Variants in CFAP47 observed in about 807,000 individuals in gnomAD.
CFAP47 encodes cilia and flagella associated protein 47.
A neutral mutation model predicts 148.1 loss-of-function variants in CFAP47; 29 were observed. The observed-to-expected ratio is 0.20, with a 90% CI of 0.15 to 0.27. CFAP47 has a LOEUF of 0.27. CFAP47 is among the 10% of genes least tolerant of loss of function. The probability of loss-of-function intolerance (pLI) is 1.00; values close to 1 mark genes in which losing one functional copy is unlikely to be tolerated. For missense variants in CFAP47, 1,872 were observed against 1,697.5 expected (o/e 1.10, Z -1.81); for synonymous variants, 664 against 577.3 (o/e 1.15, Z -2.15).
intron 37 of CFAP47, among the ~76,000 whole-genome samples, chrX:36,152,368 C>T (rs12390870): frequency 0.058 from 6,492 of 111,447 alleles, 515 homozygotes; most frequent in African/African-American, 0.2. Flanking sequence ...CCAGAACTTA[C>T]TCAAGTTATA....
At chrX:36,140,452 T>A (rs1939119811) in intron 35 of CFAP47, among the ~76,000 whole-genome samples, 1 of 111,611 alleles carries the variant, frequency 9.0e-6, no homozygotes, top group African/African-American at 3.3e-5. Context: ...CAAAAATAAT[T>A]TAAAAATAAG....
At chrX:36,045,347 CAA>C (rs1937452734) in intron 25 of CFAP47, among the ~76,000 whole-genome samples, 1 of 111,455 alleles carries the variant, frequency 9.0e-6, no homozygotes, top group Non-Finnish European at 1.9e-5. Context: ...AGGTGCAAGA[CAA>C]AGTCTCCTTT....
chrX:36,374,848 T>C, intron 62 of CFAP47: 1 of 1,100,823 alleles, frequency 9.1e-7, no homozygotes, highest in Admixed American at 2.2e-5. Flanking sequence ...TGCTTCTTCA[T>C]GGTCCATGAT....
intron 22 of CFAP47, among the ~76,000 whole-genome samples, chrX:36,019,870 C>T (rs1937138271): frequency 8.9e-6 from 1 of 111,869 alleles, no homozygotes; most frequent in Non-Finnish European, 1.9e-5. Flanking sequence ...TTTTGTTTAA[C>T]TCTTCAAAAC....
chrX:36,026,229 A>C (rs914347187), intron 22 of CFAP47, among the ~76,000 whole-genome samples: 3 of 112,091 alleles, frequency 2.7e-5, no homozygotes, highest in Non-Finnish European at 5.6e-5. Flanking sequence ...TCTGTCAGAC[A>C]CATCTTCCAA....
chrX:35,979,106 G>A (rs180943644), intron 15 of CFAP47, among the ~76,000 whole-genome samples: 163 of 111,316 alleles, frequency 1.5e-3, no homozygotes, highest in Non-Finnish European at 4.1e-4. Flanking sequence ...ATCCTCCCGA[G>A]TAGCTGGGAT....
chrX:36,044,839 C>T (rs1937446375), intron 25 of CFAP47, among the ~76,000 whole-genome samples: 1 of 112,315 alleles, frequency 8.9e-6, no homozygotes, highest in Non-Finnish European at 1.9e-5. Context: ...CAATGCCCCA[C>T]TACCTTAGTA....
chrX:36,369,988 C>T (rs1556021036), intron 62 of CFAP47, among the ~76,000 whole-genome samples: 1 of 111,613 alleles, frequency 9.0e-6, no homozygotes, highest in African/African-American at 3.3e-5. Flanking sequence ...TGTCCAGATT[C>T]CTCCTGGGTA....
At chrX:35,979,252 T>A (rs1936610301) in intron 15 of CFAP47, among the ~76,000 whole-genome samples, 1 of 111,423 alleles carries the variant, frequency 9.0e-6, no homozygotes, top group Non-Finnish European at 1.9e-5. Flanking sequence ...GTGCTGGGAT[T>A]ACAGGCATGA....
intron 15 of CFAP47, 134 bp downstream of exon 15, chrX:35,976,047 G>A (rs1936566167): frequency 1.6e-6 from 1 of 623,609 alleles, no homozygotes; most frequent in Non-Finnish European, 2.4e-6. Flanking sequence ...ACTGTCATCA[G>A]GGGTATTTAT....
chrX:36,290,275 A>G (rs1446606950), intron 51 of CFAP47, among the ~76,000 whole-genome samples: 1 of 111,728 alleles, frequency 9.0e-6, no homozygotes, highest in Non-Finnish European at 1.9e-5. Flanking sequence ...GCTGACCTGT[A>G]TTTACAGAGT....
chrX:36,000,550 T>C, intron 20 of CFAP47, 123 bp downstream of exon 20: 1 of 263,589 alleles, frequency 3.8e-6, no homozygotes. Flanking sequence ...TAATGACCAC[T>C]GCATGTTTTT....
intron 45 of CFAP47, among the ~76,000 whole-genome samples, chrX:36,208,977 AAAAC>A (rs782248504): frequency 1.8e-5 from 2 of 111,765 alleles, no homozygotes; most frequent in Admixed American, 9.5e-5. Flanking sequence ...CCCCAAAATA[AAAAC>A]AAACAAACAA....
At chrX:36,294,527 G>A (rs1372015677) in intron 51 of CFAP47, among the ~76,000 whole-genome samples, 4 of 110,297 alleles carry the variant, frequency 3.6e-5, no homozygotes, top group Non-Finnish European at 5.7e-5. Context: ...TGGCTAACAC[G>A]GTGAAACCCC....
intron 27 of CFAP47, among the ~76,000 whole-genome samples, chrX:36,068,948 C>G (rs1043922044): frequency 9.7e-6 from 1 of 103,427 alleles, no homozygotes; most frequent in African/African-American, 3.6e-5. Context: ...GAGCGAGACT[C>G]CTCAATTAAA....
At chrX:36,364,974 C>A (rs1941862083) in intron 61 of CFAP47, among the ~76,000 whole-genome samples, 1 of 93,128 alleles carries the variant, frequency 1.1e-5, no homozygotes, top group African/African-American at 3.8e-5. Flanking sequence ...TTACTTCTGC[C>A]ATTCCTTGTT....
chrX:35,991,060 T>G (rs1936783954), intron 16 of CFAP47, among the ~76,000 whole-genome samples: 1 of 111,968 alleles, frequency 8.9e-6, no homozygotes, highest in Non-Finnish European at 1.9e-5. Flanking sequence ...TTGAAATATA[T>G]TTATACATGT....
intron 55 of CFAP47, among the ~76,000 whole-genome samples, chrX:36,310,161 G>A (rs1170366434): frequency 9.0e-6 from 1 of 110,909 alleles, no homozygotes; most frequent in Admixed American, 9.7e-5. Context: ...CCCTGGAACT[G>A]AGTCACAGTG....
At chrX:36,128,312 A>G (rs1243126765) in intron 33 of CFAP47, among the ~76,000 whole-genome samples, 1 of 111,113 alleles carries the variant, frequency 9.0e-6, no homozygotes, top group Non-Finnish European at 1.9e-5. Flanking sequence ...TGCCCTCACT[A>G]TGTTATGCCT....
Sources: gnomAD v4.1 joint callset for allele counts (sites outside exome capture counted in the v4.1 genomes callset) on GRCh38, gnomAD v4.1.1 for gene constraint, MANE v1.5 for transcripts, NCBI Gene and HGNC (gene_info 2026-07-23, HGNC 2026-07-21) for gene names.